The following VPS13B variants were observed in gnomAD, a reference collection of about 807,000 sequenced individuals.
VPS13B encodes vacuolar protein sorting 13 homolog B.
Under a neutral mutation model 426.4 loss-of-function variants are expected in VPS13B, and 285 were observed. That is an observed-to-expected ratio of 0.67 (90% CI 0.61 to 0.74). The LOEUF is 0.74. VPS13B is among the 30% of genes least tolerant of loss of function. VPS13B has a pLI of 0.00. For missense variants in VPS13B, 4,537 were observed against 4,782.6 expected (o/e 0.95, Z 1.51); for synonymous variants, 1,676 against 1,676.4 (o/e 1.00, Z 0.01).
chr8:99,039,244 A>G (rs562533231), intron 3 of VPS13B, among the ~76,000 whole-genome samples: 3 of 152,234 alleles, frequency 2.0e-5, no homozygotes, highest in East Asian at 3.9e-4. Flanking sequence ...TCTGAAGGGA[A>G]TTTCTCAGGT....
chr8:99,859,119 G>A (rs1816701575), intron 56 of VPS13B, among the ~76,000 whole-genome samples, 185 bp from the exon 57 acceptor site: 1 of 152,218 alleles, frequency 6.6e-6, no homozygotes, highest in Non-Finnish European at 1.5e-5. Flanking sequence ...TATAAAGTAT[G>A]AAAGTTTGCC....
chr8:99,565,358 CTG>C (rs1360596132), intron 31 of VPS13B, among the ~76,000 whole-genome samples: 6 of 136,862 alleles, frequency 4.4e-5, no homozygotes, highest in South Asian at 2.2e-4. Flanking sequence ...ATGTAATACT[CTG>C]TGGGCTTTTT....
chr8:99,414,604 G>A (rs999370604), intron 21 of VPS13B, among the ~76,000 whole-genome samples: 21 of 152,294 alleles, frequency 1.4e-4, no homozygotes, highest in Admixed American at 8.5e-4. Flanking sequence ...GCTCTTGTAA[G>A]TCAGGCCCAG....
In VPS13B at chr8:99,721,001, C is replaced by A; in HGVS notation, c.7004C>A (p.Thr2335Lys). 1 of 1,613,978 alleles carries A rather than the reference C, an allele frequency of 6.2e-7. No homozygotes were observed. Among genetic ancestry groups the A allele is most frequent in the Non-Finnish European group, 8.5e-7 (1 of 1,179,938 alleles). ...ATAACTCCTGTACCTTTTAACACCACAGAGGATCCAGATATTAGCACAGCA... is the reference window on the plus strand; with the variant it reads ...ATAACTCCTGTACCTTTTAACACCAAAGAGGATCCAGATATTAGCACAGCA... The part of the protein sequence containing the change: ...VRITPVPFNT[T>K]EDPDISTADL... Residue 2335 changes from threonine (T) to lysine (K), a missense_variant, in exon 39 of 62, where the codon ACA becomes AAA. Physicochemically the swap from Thr to Lys is moderately conservative, Grantham distance 78 (BLOSUM62 -1). This residue lies in a region of VPS13B where 4,311 missense variants were observed against 4,474.3 expected (regional missense o/e 0.96). Transcript: ENST00000357162.
intron 4 of VPS13B, among the ~76,000 whole-genome samples, chr8:99,100,648 A>C (rs1206835387): frequency 1.3e-5 from 2 of 152,174 alleles, no homozygotes; most frequent in African/African-American, 2.4e-5. Context: ...GTTAAAATAC[A>C]TATTGTGTTT....
intron 31 of VPS13B, among the ~76,000 whole-genome samples, chr8:99,561,161 G>A (rs1031297751): frequency 3.3e-5 from 5 of 152,210 alleles, no homozygotes; most frequent in South Asian, 4.1e-4. Context: ...AGTAAAATCC[G>A]TTGCCTGGTA....
At chr8:99,271,090 C>T (rs1286650568) in intron 17 of VPS13B, among the ~76,000 whole-genome samples, 3 of 151,956 alleles carry the variant, frequency 2.0e-5, no homozygotes, top group Non-Finnish European at 4.4e-5. Flanking sequence ...ATAAACTAGG[C>T]ATCATGCATG....
chr8:99,015,315 C>T (rs1841555455), intron 2 of VPS13B, among the ~76,000 whole-genome samples: 1 of 148,574 alleles, frequency 6.7e-6, no homozygotes. Context: ...CTCCCGGGTT[C>T]ATGCCATTCT....
chr8:99,027,626 A>G (rs910460171), intron 2 of VPS13B, among the ~76,000 whole-genome samples: 2 of 152,048 alleles, frequency 1.3e-5, no homozygotes, highest in African/African-American at 2.4e-5. Context: ...TAGATATGGT[A>G]ATCTTGGCTC....
chr8:99,815,026 A>G (rs1813939782), intron 44 of VPS13B, among the ~76,000 whole-genome samples: 1 of 144,960 alleles, frequency 6.9e-6, no homozygotes, highest in African/African-American at 2.5e-5. Context: ...GAGTCACAGT[A>G]GCACCTACTT....
chr8:99,795,814 T>C (rs965264228), intron 43 of VPS13B, among the ~76,000 whole-genome samples: 2 of 152,196 alleles, frequency 1.3e-5, no homozygotes, highest in Non-Finnish European at 2.9e-5. Context: ...TCTCATGACA[T>C]AGCAGCTGCT....
intron 34 of VPS13B, among the ~76,000 whole-genome samples, chr8:99,658,815 T>G (rs1056605798): frequency 2.0e-5 from 3 of 152,012 alleles, no homozygotes; most frequent in East Asian, 1.9e-4. Context: ...TGTTGTTGTT[T>G]TTGTTTTTGT....
At chr8:99,763,196 G>C (rs1811037293) in intron 39 of VPS13B, among the ~76,000 whole-genome samples, 1 of 113,034 alleles carries the variant, frequency 8.8e-6, no homozygotes, top group South Asian at 3.1e-4. Context: ...CCAAGAAAAA[G>C]TTAATGGAGC....
chr8:99,172,496 C>G (rs987588919), intron 16 of VPS13B, among the ~76,000 whole-genome samples: 1 of 152,038 alleles, frequency 6.6e-6, no homozygotes, highest in African/African-American at 2.4e-5. Context: ...AATAAGTTGT[C>G]CAAAGTCACA....
At chr8:99,238,156 A>G (rs1027883103) in intron 17 of VPS13B, among the ~76,000 whole-genome samples, 3 of 151,994 alleles carry the variant, frequency 2.0e-5, no homozygotes, top group Non-Finnish European at 4.4e-5. Context: ...GGGTCCCTTT[A>G]TAATTTCAAA....
At chr8:99,512,484 C>T (rs560536807) in intron 29 of VPS13B, among the ~76,000 whole-genome samples, 41 of 152,220 alleles carry the variant, frequency 2.7e-4, no homozygotes, top group Admixed American at 1.3e-3. Context: ...AAACAGAAAT[C>T]TACGTTTTTA....
intron 17 of VPS13B, among the ~76,000 whole-genome samples, chr8:99,269,227 T>C (rs1818454203): frequency 6.6e-6 from 1 of 152,192 alleles, no homozygotes; most frequent in Non-Finnish European, 1.5e-5. Flanking sequence ...TATTTAATTT[T>C]ATTATAAAAA....
chr8:99,399,949 C>T (rs1368798510), intron 21 of VPS13B, among the ~76,000 whole-genome samples: 1 of 151,932 alleles, frequency 6.6e-6, no homozygotes, highest in Non-Finnish European at 1.5e-5. Context: ...AGCAATTATT[C>T]CATATTTAAT....
intron 17 of VPS13B, among the ~76,000 whole-genome samples, chr8:99,237,124 T>G (rs893665628): frequency 3.3e-5 from 5 of 152,196 alleles, no homozygotes; most frequent in Non-Finnish European, 7.4e-5. Flanking sequence ...CCCCCATGAT[T>G]GTGAGGCTTC....
Sources: gnomAD v4.1 joint callset for allele counts (sites outside exome capture counted in the v4.1 genomes callset) on GRCh38, gnomAD v4.1.1 for gene constraint, gnomAD v4.1.1 regional missense constraint, MANE v1.5 for transcripts, NCBI Gene and HGNC (gene_info 2026-07-23, HGNC 2026-07-21) for gene names.